Variants in SESN1 observed in about 807,000 individuals in gnomAD.
SESN1 encodes sestrin 1, also known as sestrin-1.
A neutral mutation model predicts 59.3 loss-of-function variants in SESN1; 30 were observed. The observed-to-expected ratio is 0.51, with a 90% CI of 0.38 to 0.69. The LOEUF (loss-of-function observed/expected upper bound fraction) is 0.69, where lower values mean the gene tolerates loss of function less well. Ranked by LOEUF, SESN1 falls within the 30% of genes least tolerant of loss-of-function variation. The pLI, the probability that SESN1 is intolerant of heterozygous loss-of-function variation, is 0.00. For synonymous variants in SESN1, 197 were observed against 219.9 expected, an observed-to-expected ratio of 0.90 and a Z score of 0.92; for missense variants, 566 against 673.0, an observed-to-expected ratio of 0.84 and a Z score of 1.76.
intron 1 of SESN1, among the ~76,000 whole-genome samples, chr6:109,051,807 A>C (rs760731932): frequency 6.6e-6 from 1 of 152,200 alleles, no homozygotes; most frequent in Non-Finnish European, 1.5e-5. Context: ...TTGGTCTGAT[A>C]AGGGCCTTCT....
chr6:109,053,636 A>G (rs1257659235), intron 1 of SESN1, among the ~76,000 whole-genome samples: 1 of 152,234 alleles, frequency 6.6e-6, no homozygotes, highest in Non-Finnish European at 1.5e-5. Flanking sequence ...GAAAGCCCTC[A>G]TGGGCCACAT....
At chr6:109,060,574 A>C (rs780885649) in intron 1 of SESN1, among the ~76,000 whole-genome samples, 23 of 152,180 alleles carry the variant, frequency 1.5e-4, no homozygotes, top group Non-Finnish European at 3.1e-4. Context: ...TAGAGGGAAA[A>C]TTCCTCAAAG....
At chr6:108,994,140 TAAAAAA>T (rs764125940) in intron 6 of SESN1, among the ~76,000 whole-genome samples, 1 of 100,266 alleles carries the variant, frequency 1.0e-5, no homozygotes, top group Non-Finnish European at 2.0e-5. Flanking sequence ...CCCTGTTTCT[TAAAAAA>T]AAAAAAAAAA....
Position 108,998,667 on chromosome 6 carries a change from G to A in SESN1, c.818C>T (p.Ser273Leu), listed in dbSNP as rs35697331. ...ACTGATTCCACAGCCGAATGTGAAT[G>A]AGGCAAGAGAATGATAGTGTGTGAG... Reference protein sequence around the residue: ...VLLTHYHSLASFTFGCGISPE... With the variant: ...VLLTHYHSLALFTFGCGISPE... The change falls in exon 5 of 10, where the codon TCA (serine) becomes TTA (leucine). Residue 273 changes from serine (S) to leucine (L), a missense_variant. Physicochemically the swap from Ser to Leu is moderately radical, Grantham distance 145. Coordinates refer to ENST00000436639, the MANE Select transcript of SESN1 (RefSeq NM_014454.3). The A allele has an allele frequency of 1.2e-6, 2 of 1,613,856 alleles. No homozygotes were observed. The highest frequency in any genetic ancestry group is 1.3e-5 in the African/African-American group (1 of 74,984).
In SESN1 at chr6:109,035,215, G is replaced by C. The variant is rs550886370; in HGVS notation, c.280-32872C>G. ...AGAAGTTCAACTCCAAAAAAGAACT[G>C]ACCCCAAAACAGCATTCATTTGTTC... On this transcript the variant is annotated intron_variant, in intron 1 of 9. Transcript: ENST00000436639. Among the ~76,000 whole-genome samples, 10 of 151,856 alleles carry C rather than the reference G, an allele frequency of 6.6e-5. No individual in the cohort carries two copies. The East Asian group carries it at 1.9e-3, about 29-fold the overall frequency.
intron 1 of SESN1, among the ~76,000 whole-genome samples, chr6:109,085,937 A>C (rs1781207532): frequency 6.6e-6 from 1 of 152,322 alleles, no homozygotes. Flanking sequence ...TCTCATGTCT[A>C]TGGTTCCTTC....
chr6:109,061,274 C>T (rs971894043), intron 1 of SESN1, among the ~76,000 whole-genome samples: 8 of 151,688 alleles, frequency 5.3e-5, no homozygotes, highest in Non-Finnish European at 1.0e-4. Context: ...GACAGGCATG[C>T]GATCTAAGAA....
At chr6:109,014,249 T>TAA (rs757623591) in intron 1 of SESN1, among the ~76,000 whole-genome samples, 1 of 152,230 alleles carries the variant, frequency 6.6e-6, no homozygotes, top group Non-Finnish European at 1.5e-5. Flanking sequence ...ATCAATGTGT[T>TAA]AAATAACGGT....
rs1021474135 is a variant in SESN1 at position 109,046,612 on chromosome 6, G to T, written c.280-44269C>A. Reference sequence around the variant, plus strand: ...TGGAAAGTGAGGAGCGTCTGCGCCCGGCCGCCATCCCATCTAGGAAGTGAG... The same window carrying T: ...TGGAAAGTGAGGAGCGTCTGCGCCCTGCCGCCATCCCATCTAGGAAGTGAG... On this transcript the variant is annotated intron_variant, in intron 1 of 9. Transcript: ENST00000436639. Among the ~76,000 whole-genome samples the T allele has an allele frequency of 1.3e-4, 18 of 141,038 alleles. 2 individuals are homozygous for T. The highest frequency in any genetic ancestry group is 2.4e-4 in the Non-Finnish European group (15 of 63,654). 92.5% of individuals were successfully genotyped at this position (141,038 alleles called of 152,430 possible). A position where few individuals can be genotyped will look rare whatever the true frequency, so the allele number is the denominator to read the frequency against.
At chr6:109,058,723 A>G (rs554228073) in intron 1 of SESN1, among the ~76,000 whole-genome samples, 1 of 152,330 alleles carries the variant, frequency 6.6e-6, no homozygotes, top group African/African-American at 2.4e-5. Context: ...GAAGCAATGC[A>G]GCCCCAGAAG....
chr6:109,035,105 G>C (rs1780231539), intron 1 of SESN1, among the ~76,000 whole-genome samples: 1 of 152,072 alleles, frequency 6.6e-6, no homozygotes, highest in African/African-American at 2.4e-5. Context: ...TCATTCAGCT[G>C]CCCCACCACT....
intron 1 of SESN1, among the ~76,000 whole-genome samples, chr6:109,012,987 G>A (rs1296698598): frequency 6.6e-6 from 1 of 151,920 alleles, no homozygotes; most frequent in African/African-American, 2.4e-5. Context: ...GTGGTGGTGT[G>A]CGCCTGTAGT....
rs979613211 is a variant in SESN1, at chr6:109,094,769, G to C, written c.-696C>G. The C allele has an allele frequency of 6.6e-6, 1 of 152,232 alleles. No individual in the cohort carries two copies. The highest frequency in any genetic ancestry group is 2.4e-5 in the African/African-American group (1 of 41,448). The allele number at this position is 152,232 out of a possible 1,614,324, so 9.4% of individuals were successfully genotyped here. A position where few individuals can be genotyped will look rare whatever the true frequency, so the allele number is the denominator to read the frequency against. On this transcript the variant is annotated 5_prime_UTR_variant, in exon 1 of 10. Transcript: ENST00000436639. ...AAGACGCTACTTCTCCGATCCCTGA[G>C]CCCTCGCCCACCACCGCCGAGCCAG...
chr6:109,059,884 A>C (rs948406425), intron 1 of SESN1, among the ~76,000 whole-genome samples: 4 of 152,146 alleles, frequency 2.6e-5, no homozygotes, highest in African/African-American at 9.7e-5. Flanking sequence ...TCTTCCACTC[A>C]CAGGAAGACA....
At position 109,000,497 on chromosome 6, in the gene SESN1, G is replaced by A. The variant is rs765551200; in HGVS notation, c.723C>T (p.His241=). 3.8e-6 allele frequency: 6 copies of A among 1,564,720 alleles called. No homozygotes were observed. In the Admixed American group the frequency reaches 9.0e-5, roughly 24 times the overall value. ...ATATTACCCCACTGCTTACCTCAAT[G>A]TGTTCTTTGGTAATAAGCCAAGGTC... ...AHRPWLITKE[H]IEGLLKAEEH... is the part of the protein sequence containing the mutation. The change falls in exon 4 of 10, where the codon CAC becomes CAT. Residue 241 remains histidine (H), a synonymous_variant. Coordinates refer to ENST00000436639, the MANE Select transcript of SESN1 (RefSeq NM_014454.3).
At chr6:109,032,238 C>T (rs1780192363) in intron 1 of SESN1, among the ~76,000 whole-genome samples, 1 of 152,090 alleles carries the variant, frequency 6.6e-6, no homozygotes, top group Non-Finnish European at 1.5e-5. Context: ...TGCCATTGCA[C>T]TCCAGCCTGG....
At chr6:109,053,114 A>C (rs1485474868) in intron 1 of SESN1, among the ~76,000 whole-genome samples, 1 of 151,900 alleles carries the variant, frequency 6.6e-6, no homozygotes, top group Non-Finnish European at 1.5e-5. Flanking sequence ...GTAGGTTGGG[A>C]ATAATTTTGT....
At chr6:109,030,439 T>A (rs1329349028) in intron 1 of SESN1, among the ~76,000 whole-genome samples, 1 of 152,196 alleles carries the variant, frequency 6.6e-6, no homozygotes, top group African/African-American at 2.4e-5. Context: ...GAAAAGACAG[T>A]AGAAGATTTA....
At chr6:109,034,115 C>T (rs1764465360) in intron 1 of SESN1, among the ~76,000 whole-genome samples, 1 of 152,166 alleles carries the variant, frequency 6.6e-6, no homozygotes, top group Non-Finnish European at 1.5e-5. Flanking sequence ...TGGGACCTAC[C>T]TAGTAAGAGC....
Sources: gnomAD v4.1 joint callset for allele counts (sites outside exome capture counted in the v4.1 genomes callset) on GRCh38, gnomAD v4.1.1 for gene constraint, MANE v1.5 for transcripts, NCBI Gene and HGNC (gene_info 2026-07-23, HGNC 2026-07-21) for gene names.